The following LIG1 variants were observed in gnomAD, a reference collection of about 807,000 sequenced individuals.
LIG1 encodes ligase I, DNA, ATP-dependent.
In LIG1, 70 loss-of-function variants were observed where a neutral mutation model predicts 115.7. That is an observed-to-expected ratio of 0.60 (90% CI 0.50 to 0.74). The LOEUF (loss-of-function observed/expected upper bound fraction) is 0.74. Ranked by LOEUF, LIG1 falls within the 30% of genes least tolerant of loss-of-function variation. The pLI, the probability that LIG1 is intolerant of heterozygous loss-of-function variation, is 0.00. For synonymous variants in LIG1, 487 were observed against 495.3 expected, an observed-to-expected ratio of 0.98 and a Z score of 0.22; for missense variants, 1,115 against 1,225.6, an observed-to-expected ratio of 0.91 and a Z score of 1.35.
chr19:48,154,015 C>T (rs758304887), intron 5 of LIG1, 48 bp from the exon 6 acceptor site: 19 of 1,516,890 alleles, frequency 1.3e-5, no homozygotes, highest in South Asian at 1.2e-4. Context: ...GGCTCGTGTG[C>T]TCCCATCCCG....
chr19:48,153,909 G>T lies in LIG1; in HGVS notation c.429C>A (p.Asp143Glu). ...IQEVLEEQSEDEDREAKRKKE... is the reference protein window; with the variant it reads ...IQEVLEEQSEEEDREAKRKKE... ...TCTTCCTCTTGGCTTCTCTGTCCTC[G>T]TCCTCACTCTGCTCTTCCAGGACTT... The change falls in exon 6 of 28, where the codon GAC becomes GAA. Residue 143 changes from aspartate (D) to glutamate (E), a missense_variant. By Grantham distance (45) the Asp-to-Glu change is conservative. Coordinates refer to ENST00000263274, the MANE Select transcript of LIG1 (RefSeq NM_000234.3). 6.2e-7 allele frequency: 1 copy of T among 1,610,276 alleles called. No homozygotes were observed. Among genetic ancestry groups the T allele is most frequent in the Non-Finnish European group, 8.5e-7 (1 of 1,178,546 alleles).
Position 48,123,019 on chromosome 19 carries a change from G to A in LIG1, c.2150-3C>T, listed in dbSNP as rs1469561002. 1 of 1,613,894 alleles carries A rather than the reference G, an allele frequency of 6.2e-7. No homozygotes were observed. The highest frequency in any genetic ancestry group is 1.1e-5 in the South Asian group (1 of 91,052). The stretch of plus-strand genomic sequence containing the variant: ...CACCATCAGCCCCTCGCAGGAGTCT[G>A]AGGGAGACACAGAAGCGTGGTCCTT... On this transcript the variant is annotated splice_polypyrimidine_tract_variant and splice_region_variant and intron_variant, in intron 22 of 27. Coordinates refer to ENST00000263274, the MANE Select transcript of LIG1 (RefSeq NM_000234.3).
At chr19:48,140,201 G>C in intron 11 of LIG1, 58 bp from the exon 12 acceptor site, 1 of 1,365,346 alleles carries the variant, frequency 7.3e-7, no homozygotes, top group South Asian at 1.2e-5. Context: ...GTGTGGTGTC[G>C]GGGTGGGGTG....
Position 48,137,226 on chromosome 19 carries a change from C to T in LIG1, c.1255-142G>A, listed in dbSNP as rs953362821. 9 of 793,596 alleles carry T rather than the reference C, an allele frequency of 1.1e-5. No homozygotes were observed. The highest frequency in any genetic ancestry group is 1.7e-5 in the Non-Finnish European group (8 of 471,466). 49.2% of individuals were successfully genotyped at this position (793,596 alleles called of 1,614,324 possible). A position where few individuals can be genotyped will look rare whatever the true frequency, so the allele number is the denominator to read the frequency against. On this transcript the variant is annotated intron_variant, in intron 13 of 27. Coordinates refer to ENST00000263274, the MANE Select transcript of LIG1 (RefSeq NM_000234.3). This position sits in a 1 kb window ranked among gnomAD's most constrained non-coding sequence, Gnocchi z 4.3. ...ATCCCCATGTCCCAGCTCCCATGGC[C>T]GCCCACTCTTAGGGCAGTAAGAACG...
chr19:48,119,103 G>C (rs772050184), intron 25 of LIG1, 34 bp downstream of exon 25: 2 of 1,528,106 alleles, frequency 1.3e-6, no homozygotes, highest in Admixed American at 3.8e-5. Context: ...GGGGGGAGAG[G>C]GGTGGAGGCT....
intron 5 of LIG1, among the ~76,000 whole-genome samples, chr19:48,154,826 C>T (rs1471845645): frequency 2.6e-5 from 4 of 152,202 alleles, no homozygotes; most frequent in African/African-American, 9.7e-5. Context: ...ACTGTCTCTC[C>T]CTGCTCAAAA....
At position 48,161,416 on chromosome 19, in the gene LIG1, C is replaced by T. The variant is rs751815142; in HGVS notation, c.199G>A (p.Glu67Lys). The T allele has an allele frequency of 1.7e-5, 28 of 1,614,038 alleles. No homozygotes were observed. The East Asian group carries it at 3.6e-4, about 21-fold the overall frequency. ...GRKAARVLGS[E>K]GEEEDEALSP... is the part of the protein sequence containing the mutation. Reference sequence around the variant, plus strand: ...AGGGCTTCATCCTCCTCTTCCCCTTCGCTGCCCAGGACCCGGGCCGCCTTC... The same window carrying T: ...AGGGCTTCATCCTCCTCTTCCCCTTTGCTGCCCAGGACCCGGGCCGCCTTC... The change falls in exon 4 of 28, where the codon GAA (glutamate) becomes AAA (lysine). Residue 67 changes from glutamate to lysine, a missense_variant. By Grantham distance (56) the Glu-to-Lys change is moderately conservative. Coordinates refer to ENST00000263274, the MANE Select transcript of LIG1 (RefSeq NM_000234.3).
At chr19:48,144,900 C>CT (rs1331992662) in intron 9 of LIG1, among the ~76,000 whole-genome samples, 3 of 152,052 alleles carry the variant, frequency 2.0e-5, no homozygotes, top group Non-Finnish European at 4.4e-5. Context: ...CAGCGCAGCT[C>CT]TAGAGACAGT....
Position 48,166,975 on chromosome 19 carries a change from GAAAGAAAAAGAAAGAA to G in LIG1, c.-57-1368_-57-1353del, listed in dbSNP as rs1240254303. Among the ~76,000 whole-genome samples, 334 of 113,360 alleles carry G rather than the reference GAAAGAAAAAGAAAGAA, an allele frequency of 2.9e-3. 1 individual carries two copies. Among genetic ancestry groups the G allele is most frequent in the African/African-American group, 0.012 (297 of 24,294 alleles). The allele number at this position is 113,360 out of a possible 152,430, so 74.4% of individuals were successfully genotyped here. A position where few individuals can be genotyped will look rare whatever the true frequency, so the allele number is the denominator to read the frequency against. On this transcript the variant is annotated intron_variant, in intron 1 of 27. Coordinates refer to ENST00000263274, the MANE Select transcript of LIG1 (RefSeq NM_000234.3). Reference sequence around the variant, plus strand: ...ACTCTGTCTCAAAAAAAAAAAAAAAGAAAGAAAAAGAAAGAAAAAGAAAAAGAAAAGAAAGGGTTCT... The same window carrying G: ...ACTCTGTCTCAAAAAAAAAAAAAAAGAAAGAAAAAGAAAAGAAAGGGTTCT...
intron 15 of LIG1, 54 bp from the exon 16 acceptor site, chr19:48,135,833 C>G: frequency 6.7e-7 from 1 of 1,492,616 alleles, no homozygotes; most frequent in Middle Eastern, 1.7e-4. Context: ...TTGGCTACAC[C>G]AGGGTGCAGT....
In LIG1 at chr19:48,115,981, G is replaced by A; in HGVS notation, c.2584-16C>T. On this transcript the variant is annotated splice_polypyrimidine_tract_variant and intron_variant, in intron 26 of 27. Coordinates refer to ENST00000263274, the MANE Select transcript of LIG1 (RefSeq NM_000234.3). ...CACTATCCACCTGCGGAAGCGGGATGGAGACTCCTGCGGTCCAGCCCCAGC... is the reference window on the plus strand; with the variant it reads ...CACTATCCACCTGCGGAAGCGGGATAGAGACTCCTGCGGTCCAGCCCCAGC... The A allele has an allele frequency of 6.2e-7, 1 of 1,603,846 alleles. No homozygotes were observed.
At position 48,162,306 on chromosome 19, in the gene LIG1, C is replaced by G. The variant is rs371042043; in HGVS notation, c.63G>C (p.Glu21Asp). The change falls in exon 3 of 28, where the codon GAG (glutamate) becomes GAC (aspartate). Residue 21 changes from glutamate (E) to aspartate (D), a missense_variant. By Grantham distance (45) the Glu-to-Asp change is conservative. Transcript: ENST00000263274. ...PKKEGKAKKP[E>D]KEASNSSRET... ...CTCTGCTGCTATTGGATGCCTCCTT[C>G]TCAGGCTTCTTTGCTTTACCCTCTT... 1 of 1,613,964 alleles carries G rather than the reference C, an allele frequency of 6.2e-7. No individual in the cohort carries two copies. The highest frequency in any genetic ancestry group is 1.3e-5 in the African/African-American group (1 of 74,884).
intron 17 of LIG1, chr19:48,133,604 TTTTA>T (rs778802038): frequency 5.8e-5 from 19 of 327,910 alleles, no homozygotes; most frequent in Middle Eastern, 1.1e-3. Context: ...TCTGGCCCAT[TTTTA>T]TTTACTTATT....
At chr19:48,128,864 G>C (rs1046912146) in intron 19 of LIG1, among the ~76,000 whole-genome samples, 4 of 152,228 alleles carry the variant, frequency 2.6e-5, no homozygotes, top group African/African-American at 7.2e-5. Context: ...CCAGGCTCAA[G>C]CAATTCTCCT....
intron 4 of LIG1, among the ~76,000 whole-genome samples, chr19:48,159,731 T>TTATC (rs56280306): frequency 0.15 from 22,074 of 151,862 alleles, 2,089 homozygotes; most frequent in African/African-American, 0.28. Flanking sequence ...ATTTATTTAT[T>TTATC]TTTTGAGACA....
At chr19:48,162,035 T>C (rs981329939) in intron 3 of LIG1, among the ~76,000 whole-genome samples, 8 of 152,110 alleles carry the variant, frequency 5.3e-5, no homozygotes, top group Admixed American at 5.2e-4. Flanking sequence ...GGAGAATGTC[T>C]GGTTCTAGAA....
At position 48,121,231 on chromosome 19, in the gene LIG1, T is replaced by TACCG; in HGVS notation, c.2320_2323dup (p.Tyr775SerfsTer15). On this transcript the variant is annotated frameshift_variant, in exon 24 of 28. Transcript: ENST00000263274. LOFTEE classifies it high-confidence loss of function. ...GTAGGAGGCCAGCAGGAAGCCCCCG[T>TACCG]ACCGGCCGGCCCGCTTCCCCCGGCC... 6.2e-7 allele frequency: 1 copy of TACCG among 1,614,000 alleles called. No individual in the cohort carries two copies. The highest frequency in any genetic ancestry group is 8.5e-7 in the Non-Finnish European group (1 of 1,180,002).
intron 25 of LIG1, 72 bp downstream of exon 25, chr19:48,119,065 G>A: frequency 7.9e-7 from 1 of 1,259,620 alleles, no homozygotes; most frequent in Non-Finnish European, 1.1e-6. Context: ...CAAGAGCCCT[G>A]CATGGAAGGA....
rs274888 is a variant in LIG1, at chr19:48,141,712, G to A, written c.915-1569C>T. 3.5e-3 allele frequency among the ~76,000 whole-genome samples: 539 copies of A among 152,204 alleles called. 3 individuals are homozygous for A. Among genetic ancestry groups the A allele is most frequent in the African/African-American group, 0.012 (511 of 41,518 alleles). On this transcript the variant is annotated intron_variant, in intron 11 of 27. Transcript: ENST00000263274. ...GGCTTTGTTACTGAAAAACTTAGGG[G>A]GCCTCATTAGAAACAGAAGCTGGGT...
Sources: gnomAD v4.1 joint callset for allele counts (sites outside exome capture counted in the v4.1 genomes callset) on GRCh38, gnomAD v4.1.1 for gene constraint, Gnocchi (gnomAD v3.1) non-coding constraint, MANE v1.5 for transcripts, NCBI Gene and HGNC (gene_info 2026-07-23, HGNC 2026-07-21) for gene names.